DIAPH3: variants seen among roughly 807,000 people sequenced by gnomAD.
The protein encoded by DIAPH3 is diaphanous related formin 3.
In DIAPH3, 117 loss-of-function variants were observed where a neutral mutation model predicts 144.3. The ratio of observed to expected loss-of-function variants is 0.81; its 90% CI spans 0.70 to 0.95. The LOEUF is 0.95. DIAPH3 is among the 40% of genes least tolerant of loss of function. The pLI, the probability that DIAPH3 is intolerant of heterozygous loss-of-function variation, is 0.00. For synonymous variants in DIAPH3, 519 were observed against 488.9 expected (o/e 1.06, Z -0.81); for missense variants, 1,421 against 1,412.7 (o/e 1.01, Z -0.09).
chr13:59,834,531 C>T (rs1294024158), intron 23 of DIAPH3, among the ~76,000 whole-genome samples: 1 of 151,514 alleles, frequency 6.6e-6, no homozygotes, highest in Non-Finnish European at 1.5e-5. Context: ...AATAAGGAAA[C>T]TGATGCAGGT....
At chr13:60,008,515 AAC>A in intron 9 of DIAPH3, 27 bp downstream of exon 9, 1 of 1,488,986 alleles carries the variant, frequency 6.7e-7, no homozygotes, top group Non-Finnish European at 9.4e-7. Flanking sequence ...GCCATTTAAA[AAC>A]AGATTTTATA....
chr13:60,047,851 T>A (rs188924104), intron 4 of DIAPH3, among the ~76,000 whole-genome samples: 2 of 152,164 alleles, frequency 1.3e-5, no homozygotes, highest in African/African-American at 4.8e-5. Flanking sequence ...GAGAAAATAT[T>A]TGCAATACAG....
chr13:59,969,621 A>C (rs2140560298), intron 17 of DIAPH3, among the ~76,000 whole-genome samples: 1 of 152,270 alleles, frequency 6.6e-6, no homozygotes. Context: ...TCTATTTTTC[A>C]AACTGAAGGA....
intron 27 of DIAPH3, among the ~76,000 whole-genome samples, chr13:59,715,347 A>G (rs1030053488): frequency 2.0e-5 from 3 of 152,204 alleles, no homozygotes; most frequent in African/African-American, 7.2e-5. Flanking sequence ...AGAGGGTTCT[A>G]AAGAAAACTT....
At chr13:59,704,488 AT>A (rs1222898066) in intron 27 of DIAPH3, among the ~76,000 whole-genome samples, 1 of 151,994 alleles carries the variant, frequency 6.6e-6, no homozygotes. Context: ...TGCTGTGGTT[AT>A]TTTTTTCTTA....
intron 27 of DIAPH3, among the ~76,000 whole-genome samples, chr13:59,750,657 A>G (rs1015398290): frequency 1.3e-5 from 2 of 152,164 alleles, no homozygotes; most frequent in Non-Finnish European, 2.9e-5. Context: ...TGAATCTAAT[A>G]CCTGTGTGAA....
At position 59,983,759 on chromosome 13, in the gene DIAPH3, A is replaced by C; in HGVS notation, c.1480+10T>G. On this transcript the variant is annotated intron_variant, in intron 13 of 27. Coordinates refer to ENST00000400324, the MANE Select transcript of DIAPH3 (RefSeq NM_001042517.2). The stretch of plus-strand genomic sequence containing the variant: ...AATAAGATATTTCTATTTAAATAAT[A>C]AATACTCACCTACAAACTGGGTTAA... The C allele has an allele frequency of 6.6e-7, 1 of 1,508,522 alleles. No individual in the cohort carries two copies. Among genetic ancestry groups the C allele is most frequent in the Non-Finnish European group, 9.2e-7 (1 of 1,086,232 alleles). 93.4% of individuals were successfully genotyped at this position (1,508,522 alleles called of 1,614,324 possible).
intron 2 of DIAPH3, among the ~76,000 whole-genome samples, chr13:60,129,587 G>A (rs1388530269): frequency 3.3e-5 from 5 of 152,100 alleles, no homozygotes; most frequent in African/African-American, 7.2e-5. Context: ...ATGTTTTAAT[G>A]TTTCTAAAAT....
At chr13:59,980,717 C>T (rs1330654210) in intron 14 of DIAPH3, 78 bp downstream of exon 14, 1 of 1,303,770 alleles carries the variant, frequency 7.7e-7, no homozygotes, top group Admixed American at 1.7e-5. Flanking sequence ...GAACGAATAA[C>T]AAGCAAATTC....
chr13:59,843,956 C>A (rs971306584), intron 22 of DIAPH3, among the ~76,000 whole-genome samples: 1 of 151,952 alleles, frequency 6.6e-6, no homozygotes, highest in East Asian at 1.9e-4. Flanking sequence ...GTATGAGTGG[C>A]GGGCAGGAGG....
At chr13:60,017,057 T>C (rs2053698600) in intron 5 of DIAPH3, among the ~76,000 whole-genome samples, 2 of 152,242 alleles carry the variant, frequency 1.3e-5, no homozygotes. Context: ...CCTGTACTTA[T>C]ATATGTGATT....
At chr13:59,942,240 T>C (rs976537948) in intron 17 of DIAPH3, among the ~76,000 whole-genome samples, 1 of 152,204 alleles carries the variant, frequency 6.6e-6, no homozygotes, top group Non-Finnish European at 1.5e-5. Flanking sequence ...ATGGAGTTTA[T>C]TGAATTAATG....
intron 21 of DIAPH3, among the ~76,000 whole-genome samples, chr13:59,866,969 C>A (rs964737774): frequency 1.3e-5 from 2 of 151,236 alleles, no homozygotes; most frequent in African/African-American, 4.8e-5. Context: ...ATTTTGTTTT[C>A]TGGTATGTAC....
At chr13:60,026,155 A>T (rs1205085334) in intron 5 of DIAPH3, among the ~76,000 whole-genome samples, 1 of 152,114 alleles carries the variant, frequency 6.6e-6, no homozygotes, top group East Asian at 1.9e-4. Flanking sequence ...TCTCTTATAC[A>T]TCCCCACACA....
chr13:59,714,278 T>G (rs1481093814), intron 27 of DIAPH3, among the ~76,000 whole-genome samples: 1 of 145,012 alleles, frequency 6.9e-6, no homozygotes, highest in Non-Finnish European at 1.5e-5. Context: ...GAGAATGGCG[T>G]GAACCCGGGA....
intron 20 of DIAPH3, among the ~76,000 whole-genome samples, chr13:59,880,978 C>CAAAAAAAAAAA (rs77481523): frequency 1.7e-4 from 11 of 64,782 alleles, no homozygotes; most frequent in East Asian, 6.8e-4. Flanking sequence ...CAACAAGGAC[C>CAAAAAAAAAAA]AAAAAAAAAA....
At chr13:59,970,096 G>T in intron 16 of DIAPH3, 38 bp from the exon 17 acceptor site, 3 of 1,225,630 alleles carry the variant, frequency 2.4e-6, no homozygotes, top group East Asian at 2.4e-5. Context: ...CAATAGGTGA[G>T]TGTTTCACCT....
At chr13:59,822,607 A>AT (rs542171366) in intron 24 of DIAPH3, among the ~76,000 whole-genome samples, 5 of 150,748 alleles carry the variant, frequency 3.3e-5, no homozygotes, top group Admixed American at 6.6e-5. Context: ...TGCCTGGCTA[A>AT]TTTTTTTTTG....
At chr13:59,715,912 A>T (rs2035027478) in intron 27 of DIAPH3, among the ~76,000 whole-genome samples, 1 of 152,106 alleles carries the variant, frequency 6.6e-6, no homozygotes, top group Admixed American at 6.5e-5. Flanking sequence ...TAATGATACT[A>T]CTGAGCACTT....
Sources: allele counts gnomAD v4.1 joint callset (sites outside exome capture counted in the v4.1 genomes callset), GRCh38; gene constraint gnomAD v4.1.1; transcripts MANE v1.5; gene names NCBI Gene and HGNC (gene_info 2026-07-23, HGNC 2026-07-21).